Variants in CHSY3 observed in about 807,000 individuals in gnomAD.
The protein encoded by CHSY3 is N-acetylgalactosaminyl-proteoglycan 3-beta-glucuronosyltransferase 3.
CHSY3 carries 35 observed loss-of-function variants against 67.2 expected under a neutral mutation model. That is an observed-to-expected ratio of 0.52 (90% CI 0.40 to 0.69). The LOEUF is 0.69. CHSY3 is among the 30% of genes least tolerant of loss of function. The pLI is 0.00. For missense variants in CHSY3, 1,069 were observed against 1,138.5 expected (o/e 0.94, Z 0.88); for synonymous variants, 474 against 434.7 (o/e 1.09, Z -1.12).
intron 2 of CHSY3, among the ~76,000 whole-genome samples, chr5:130,100,428 C>T (rs1050885441): frequency 1.3e-4 from 19 of 151,146 alleles, no homozygotes; most frequent in African/African-American, 4.4e-4. Context: ...ATCTCCTGAC[C>T]TTGTGATCCG....
intron 2 of CHSY3, among the ~76,000 whole-genome samples, chr5:129,913,881 T>A (rs1419828940): frequency 6.6e-6 from 1 of 152,218 alleles, no homozygotes; most frequent in African/African-American, 2.4e-5. Flanking sequence ...TAGAATGTTT[T>A]ATGTTCAATC....
intron 2 of CHSY3, among the ~76,000 whole-genome samples, chr5:129,925,107 A>G (rs1467970823): frequency 2.0e-5 from 3 of 152,224 alleles, no homozygotes; most frequent in African/African-American, 7.2e-5. Context: ...TATGCAGGAA[A>G]GATTAAATGC....
At chr5:129,961,252 CA>C (rs1272926403) in intron 2 of CHSY3, among the ~76,000 whole-genome samples, 1 of 151,918 alleles carries the variant, frequency 6.6e-6, no homozygotes, top group African/African-American at 2.4e-5. Context: ...TCAGTAAAAG[CA>C]GGGAAGGTAT....
At chr5:130,141,971 A>G (rs1768882026) in intron 2 of CHSY3, 1 of 185,152 alleles carries the variant, frequency 5.4e-6, no homozygotes, top group Admixed American at 6.0e-5. Context: ...GTATAGATGT[A>G]GCATTGTTCC....
At chr5:129,916,497 A>G (rs1165621450) in intron 2 of CHSY3, among the ~76,000 whole-genome samples, 1 of 152,238 alleles carries the variant, frequency 6.6e-6, no homozygotes, top group Non-Finnish European at 1.5e-5. Context: ...TAAAACTTTC[A>G]TGTAAAAATT....
intron 2 of CHSY3, among the ~76,000 whole-genome samples, chr5:129,946,132 C>A (rs982647483): frequency 6.6e-6 from 1 of 152,042 alleles, no homozygotes; most frequent in African/African-American, 2.4e-5. Flanking sequence ...CTTTGTTCAC[C>A]AGTTATTTCT....
Position 129,979,716 on chromosome 5 carries a change from G to A in CHSY3, c.1086+71356G>A, listed in dbSNP as rs115033219. On this transcript the variant is annotated intron_variant, in intron 2 of 2. Transcript: ENST00000305031. ...TGTATTCATCATTATTGTATTTTAC[G>A]GAGTACATTATAAATATCCTCTGCA... Among the ~76,000 whole-genome samples the A allele has an allele frequency of 3.6e-4, 54 of 152,108 alleles. No homozygotes were observed. In the East Asian group the frequency reaches 9.7e-3, roughly 27 times the overall value.
chr5:130,088,274 A>C (rs2149690768), intron 2 of CHSY3, among the ~76,000 whole-genome samples: 1 of 151,408 alleles, frequency 6.6e-6, no homozygotes, highest in East Asian at 1.9e-4. Flanking sequence ...CCTGGAAGAA[A>C]ACCTAGGCAT....
chr5:130,105,863 C>T (rs994800009), intron 2 of CHSY3, among the ~76,000 whole-genome samples: 1 of 151,592 alleles, frequency 6.6e-6, no homozygotes, highest in Non-Finnish European at 1.5e-5. Flanking sequence ...AATTCAGATA[C>T]TCTGTTCTCA....
chr5:130,013,919 A>C (rs1228489756), intron 2 of CHSY3, among the ~76,000 whole-genome samples: 2 of 152,206 alleles, frequency 1.3e-5, no homozygotes, highest in Admixed American at 1.3e-4. Context: ...CCAAACTGCT[A>C]TGCTCTGCTT....
intron 2 of CHSY3, among the ~76,000 whole-genome samples, chr5:130,143,810 G>GTGTATATATATA (rs1469625551): frequency 1.2e-4 from 7 of 56,486 alleles, no homozygotes; most frequent in Non-Finnish European, 2.2e-4. Context: ...ATATATGTGT[G>GTGTATATATATA]TATATATATA....
At chr5:130,031,063 G>A (rs1004851421) in intron 2 of CHSY3, among the ~76,000 whole-genome samples, 1 of 151,762 alleles carries the variant, frequency 6.6e-6, no homozygotes, top group Non-Finnish European at 1.5e-5. Context: ...GTCATATAAA[G>A]AAGACCAAAT....
chr5:130,154,265 A>G (rs1340208123), intron 2 of CHSY3, among the ~76,000 whole-genome samples: 1 of 152,204 alleles, frequency 6.6e-6, no homozygotes, highest in Non-Finnish European at 1.5e-5. Flanking sequence ...GTCCCAGTAG[A>G]CAAGAATTTA....
At chr5:129,975,358 T>C (rs933557078) in intron 2 of CHSY3, among the ~76,000 whole-genome samples, 2 of 152,196 alleles carry the variant, frequency 1.3e-5, no homozygotes, top group Non-Finnish European at 2.9e-5. Flanking sequence ...TACTTTATAA[T>C]TTATGACATT....
At chr5:130,133,707 G>GCCAA (rs1768557518) in intron 2 of CHSY3, among the ~76,000 whole-genome samples, 1 of 148,686 alleles carries the variant, frequency 6.7e-6, no homozygotes, top group Non-Finnish European at 1.5e-5. Context: ...AGGAGGCGGA[G>GCCAA]GTTGCAGTGA....
intron 2 of CHSY3, among the ~76,000 whole-genome samples, chr5:129,918,093 T>C (rs920340245): frequency 2.6e-5 from 4 of 152,256 alleles, no homozygotes; most frequent in Non-Finnish European, 5.9e-5. Context: ...GTTACTCGTC[T>C]ATTCCAAAGA....
At chr5:130,037,235 A>G (rs1764886394) in intron 2 of CHSY3, among the ~76,000 whole-genome samples, 1 of 152,102 alleles carries the variant, frequency 6.6e-6, no homozygotes, top group Non-Finnish European at 1.5e-5. Context: ...AATTAGACAG[A>G]AGGAGCATGG....
At chr5:130,033,409 G>A (rs558571366) in intron 2 of CHSY3, among the ~76,000 whole-genome samples, 1 of 152,234 alleles carries the variant, frequency 6.6e-6, no homozygotes, top group Admixed American at 6.5e-5. Context: ...AAGAAGAGAG[G>A]CATTAGTGAA....
At chr5:130,078,153 T>A (rs1766332835) in intron 2 of CHSY3, among the ~76,000 whole-genome samples, 1 of 152,104 alleles carries the variant, frequency 6.6e-6, no homozygotes, top group Admixed American at 6.6e-5. Context: ...TGAATCAGAT[T>A]GTCTGATCCC....
Sources: allele counts gnomAD v4.1 joint callset (sites outside exome capture counted in the v4.1 genomes callset), GRCh38; gene constraint gnomAD v4.1.1; transcripts MANE v1.5; gene names NCBI Gene and HGNC (gene_info 2026-07-23, HGNC 2026-07-21).